Variants in NWD1 observed in about 807,000 individuals in gnomAD.
NWD1 encodes the protein NACHT domain- and WD repeat-containing protein 1.
NWD1 carries 129 observed loss-of-function variants against 135.1 expected under a neutral mutation model. The observed-to-expected ratio is 0.96, with a 90% CI of 0.83 to 1.11. The LOEUF is 1.11. Ranked by LOEUF, NWD1 falls within the 50% of genes least tolerant of loss-of-function variation. The probability of loss-of-function intolerance (pLI) is 0.00; values close to 1 mark genes in which losing one functional copy is unlikely to be tolerated. For synonymous variants in NWD1, 773 were observed against 786.0 expected (o/e 0.98, Z 0.28); for missense variants, 1,740 against 1,851.3 (o/e 0.94, Z 1.10).
At chr19:16,763,987 T>A (rs1969120297) in intron 9 of NWD1, 42 bp downstream of exon 9, 1 of 1,164,160 alleles carries the variant, frequency 8.6e-7, no homozygotes, top group Non-Finnish European at 1.3e-6. Context: ...GCCTGGTGAC[T>A]GCACCACGCT....
rs750039473 is a variant in NWD1, at chr19:16,813,621, C to T, written c.4288-1407C>T. ...CCTCCTGAGTAGCTGGGATTACGGG[C>T]GCCCACCACCACACTCAGCTAATTT... is the stretch of plus-strand genomic sequence containing the variant. On this transcript the variant is annotated intron_variant, in intron 18 of 18. Coordinates refer to ENST00000524140, the MANE Select transcript of NWD1 (RefSeq NM_001007525.5). 2.6e-5 allele frequency among the ~76,000 whole-genome samples: 4 copies of T among 152,078 alleles called. No homozygotes were observed. The East Asian group carries it at 5.8e-4, about 22-fold the overall frequency.
Position 16,773,257 on chromosome 19 carries a change from C to A in NWD1, c.2542C>A (p.Pro848Thr), listed in dbSNP as rs1395330421. 6.8e-6 allele frequency: 11 copies of A among 1,613,514 alleles called. No individual in the cohort carries two copies. Among genetic ancestry groups the A allele is most frequent in the Non-Finnish European group, 8.5e-6 (10 of 1,180,028 alleles). The change falls in exon 11 of 19, where the codon CCC becomes ACC. Residue 848 changes from proline to threonine, a missense_variant. By Grantham distance (38) the Pro-to-Thr change is conservative. Coordinates refer to ENST00000524140, the MANE Select transcript of NWD1 (RefSeq NM_001007525.5). ...FQLCAHPVLV[P>T]LGGFLQPPGG... ...GTTGTGCGCACACCCTGTGCTGGTG[C>A]CCCTCGGAGGATTCCTCCAGCCCCC...
At chr19:16,764,119 T>G (rs1969125739) in intron 9 of NWD1, among the ~76,000 whole-genome samples, 174 bp downstream of exon 9, 1 of 152,158 alleles carries the variant, frequency 6.6e-6, no homozygotes, top group African/African-American at 2.4e-5. Context: ...TGTCCGCAGA[T>G]AGTTTTGGTT....
chr19:16,769,157 A>G (rs1568366260), intron 10 of NWD1, among the ~76,000 whole-genome samples: 1 of 151,954 alleles, frequency 6.6e-6, no homozygotes, highest in South Asian at 2.1e-4. Flanking sequence ...AGCTGGGAAA[A>G]TTGCCTTATA....
At chr19:16,787,221 C>A (rs570360367) in intron 12 of NWD1, among the ~76,000 whole-genome samples, 1 of 151,908 alleles carries the variant, frequency 6.6e-6, no homozygotes. Flanking sequence ...CAACCTCCTG[C>A]GCTCAAATGA....
At chr19:16,775,296 G>A (rs1969560123) in intron 11 of NWD1, among the ~76,000 whole-genome samples, 1 of 139,608 alleles carries the variant, frequency 7.2e-6, no homozygotes, top group Admixed American at 6.7e-5. Context: ...AGGCTCAGAT[G>A]TTGTAAAAAA....
chr19:16,751,901 G>A (rs541043841), intron 6 of NWD1, among the ~76,000 whole-genome samples: 1 of 149,082 alleles, frequency 6.7e-6, no homozygotes, highest in African/African-American at 2.5e-5. Flanking sequence ...GAAAGAGAAA[G>A]AGAGAAAAAG....
chr19:16,736,691 G>T lies in NWD1; in HGVS notation c.139G>T (p.Glu47Ter). 1 of 1,536,330 alleles carries T rather than the reference G, an allele frequency of 6.5e-7. No homozygotes were observed. The stretch of plus-strand genomic sequence containing the variant: ...TGAAGCCACTGACCACTTGACCACA[G>T]AACTCTGCTTGGAGGAGGTTGACCG... ...NIEATDHLTT[E>*]LCLEEVDRCW... is the part of the protein sequence containing the mutation. Residue 47 changes from glutamate to a stop codon, truncating the protein, a stop_gained, in exon 4 of 19, where the codon GAA (glutamate) becomes TAA (stop). Coordinates refer to ENST00000524140, the MANE Select transcript of NWD1 (RefSeq NM_001007525.5). LOFTEE classifies it high-confidence loss of function.
chr19:16,754,089 T>C (rs1334046353), intron 6 of NWD1, among the ~76,000 whole-genome samples: 7 of 144,162 alleles, frequency 4.9e-5, no homozygotes, highest in Non-Finnish European at 9.1e-5. Flanking sequence ...ATCCATCATC[T>C]CTATCATCCA....
chr19:16,794,491 A>T lies in NWD1; in HGVS notation c.3242A>T (p.Glu1081Val). 1 of 1,612,010 alleles carries T rather than the reference A, an allele frequency of 6.2e-7. No individual in the cohort carries two copies. The highest frequency in any genetic ancestry group is 8.5e-7 in the Non-Finnish European group (1 of 1,178,850). ...TCCTCCAAAGGGGACAGATTGCTGG[A>T]GAAGCTTCCAGATGCTGTGAGGTTC... The part of the protein sequence containing the change: ...LVSSKGDRLL[E>V]KLPDAVRFLV... Residue 1081 changes from glutamate (E) to valine (V), a missense_variant, in exon 15 of 19, where the codon GAG (glutamate) becomes GTG (valine). Physicochemically the swap from Glu to Val is moderately radical, Grantham distance 121. Coordinates refer to ENST00000524140, the MANE Select transcript of NWD1 (RefSeq NM_001007525.5).
rs577605010 is a variant in NWD1, at chr19:16,771,190, G to A, written c.2411-1936G>A. Among the ~76,000 whole-genome samples, 3 of 152,270 alleles carry A rather than the reference G, an allele frequency of 2.0e-5. No homozygotes were observed. In the South Asian group the frequency reaches 6.2e-4, roughly 32 times the overall value. ...TAGATGGCTGGGCACAGTGGCTCAC[G>A]CCTGTAACCCCAATACTTTGAGAAG... On this transcript the variant is annotated intron_variant, in intron 10 of 18. Transcript: ENST00000524140.
chr19:16,787,977 C>A (rs1305565693), intron 12 of NWD1, among the ~76,000 whole-genome samples: 1 of 148,234 alleles, frequency 6.7e-6, no homozygotes, highest in Non-Finnish European at 1.5e-5. Context: ...GCCTGTAATC[C>A]CAGCACTGTG....
At chr19:16,776,797 C>T (rs1177476121) in intron 11 of NWD1, among the ~76,000 whole-genome samples, 1 of 126,750 alleles carries the variant, frequency 7.9e-6, no homozygotes, top group Non-Finnish European at 1.6e-5. Flanking sequence ...AAAAAAAAAG[C>T]TGGTCATGGT....
chr19:16,784,673 G>GGC (rs1969977014), intron 12 of NWD1, among the ~76,000 whole-genome samples: 1 of 152,106 alleles, frequency 6.6e-6, no homozygotes, highest in Admixed American at 6.6e-5. Context: ...GCTCACGCCT[G>GGC]TAATCCCAGC....
At position 16,797,818 on chromosome 19, in the gene NWD1, G is replaced by T. The variant is rs1291656502; in HGVS notation, c.3391G>T (p.Val1131Leu). The change falls in exon 16 of 19, where the codon GTG becomes TTG. Residue 1131 changes from valine (V) to leucine (L), a missense_variant. By Grantham distance (32) the Val-to-Leu change is conservative. Coordinates refer to ENST00000524140, the MANE Select transcript of NWD1 (RefSeq NM_001007525.5). ...MAMDLEHEDM[V>L]ETAVFGTENN... The stretch of plus-strand genomic sequence containing the variant: ...CATGGATCTGGAACATGAAGACATG[G>T]TGGAGACGGCTGTTTTTGGTACTGA... The T allele has an allele frequency of 6.2e-7, 1 of 1,614,096 alleles. No individual in the cohort carries two copies. Among genetic ancestry groups the T allele is most frequent in the South Asian group, 1.1e-5 (1 of 91,080 alleles).
intron 11 of NWD1, among the ~76,000 whole-genome samples, chr19:16,775,475 A>G (rs1267648976): frequency 1.3e-5 from 2 of 152,176 alleles, no homozygotes; most frequent in East Asian, 3.9e-4. Flanking sequence ...CGTTGGCCCA[A>G]TATAGCTGCT....
chr19:16,726,996 C>T (rs569052285), intron 2 of NWD1, among the ~76,000 whole-genome samples: 20 of 138,714 alleles, frequency 1.4e-4, no homozygotes, highest in Non-Finnish European at 3.1e-4. Context: ...GACTTTGCCT[C>T]GTGGGAGGGG....
chr19:16,798,883 C>T (rs999013582), intron 16 of NWD1, among the ~76,000 whole-genome samples: 1 of 151,924 alleles, frequency 6.6e-6, no homozygotes, highest in Non-Finnish European at 1.5e-5. Flanking sequence ...GCCTTGGCCT[C>T]CCAAAGTGCT....
intron 3 of NWD1, among the ~76,000 whole-genome samples, chr19:16,733,192 G>A (rs10451507): frequency 0.58 from 87,805 of 150,510 alleles, 26,347 homozygotes; most frequent in African/African-American, 0.66. Flanking sequence ...CTGCACTCTA[G>A]CCTGGGTGCC....
Sources: gnomAD v4.1 joint callset for allele counts (sites outside exome capture counted in the v4.1 genomes callset) on GRCh38, gnomAD v4.1.1 for gene constraint, MANE v1.5 for transcripts, NCBI Gene and HGNC (gene_info 2026-07-23, HGNC 2026-07-21) for gene names.